The following BBX variants were observed in gnomAD, a reference collection of about 807,000 sequenced individuals.
The protein encoded by BBX is BBX high mobility group box domain containing.
Under a neutral mutation model 100.2 loss-of-function variants are expected in BBX, and 30 were observed. The ratio of observed to expected loss-of-function variants is 0.30; its 90% confidence interval spans 0.22 to 0.41. The LOEUF is 0.41. Among genes scored for constraint, BBX ranks in the 10% least tolerant of loss-of-function variants. The pLI is 1.00. For synonymous variants in BBX, 376 were observed against 388.1 expected (o/e 0.97, Z 0.37); for missense variants, 1,023 against 1,129.8 (o/e 0.91, Z 1.35).
intron 2 of BBX, among the ~76,000 whole-genome samples, chr3:107,591,755 G>A (rs1241852994): frequency 6.6e-6 from 1 of 152,230 alleles, no homozygotes; most frequent in East Asian, 1.9e-4. Flanking sequence ...CCCAAGTGCT[G>A]GTATTACAGG....
At chr3:107,628,861 A>G (rs1301625474) in intron 2 of BBX, among the ~76,000 whole-genome samples, 1 of 152,184 alleles carries the variant, frequency 6.6e-6, no homozygotes, top group Admixed American at 6.5e-5. Flanking sequence ...TAGAAACTCC[A>G]TGTATTAGTA....
chr3:107,753,919 G>A (rs2065266480), intron 9 of BBX, among the ~76,000 whole-genome samples: 3 of 152,106 alleles, frequency 2.0e-5, no homozygotes, highest in Admixed American at 2.0e-4. Context: ...GTACCAAAAA[G>A]GTGTTTATGT....
intron 9 of BBX, among the ~76,000 whole-genome samples, chr3:107,754,849 T>C (rs1481547052): frequency 6.6e-6 from 1 of 152,254 alleles, no homozygotes. Context: ...TTCTCAGCTC[T>C]TATTGAGGCT....
At chr3:107,530,944 T>C (rs1241439361) in intron 2 of BBX, among the ~76,000 whole-genome samples, 1 of 152,196 alleles carries the variant, frequency 6.6e-6, no homozygotes, top group Non-Finnish European at 1.5e-5. Context: ...TGGCCTAGAG[T>C]GCCTGCTTGC....
intron 2 of BBX, among the ~76,000 whole-genome samples, chr3:107,564,633 G>A (rs1576321997): frequency 6.6e-6 from 1 of 152,080 alleles, no homozygotes; most frequent in Non-Finnish European, 1.5e-5. Context: ...AGTCTAGTGG[G>A]CGTTTTCTCT....
intron 2 of BBX, among the ~76,000 whole-genome samples, chr3:107,619,650 ATGTTTTTC>A (rs2055589610): frequency 6.6e-6 from 1 of 151,552 alleles, no homozygotes; most frequent in South Asian, 2.1e-4. Flanking sequence ...AAAAATATCC[ATGTTTTTC>A]TTCATTGGAG....
intron 2 of BBX, among the ~76,000 whole-genome samples, chr3:107,558,016 G>C (rs142397252): frequency 1.3e-5 from 2 of 152,344 alleles, no homozygotes; most frequent in African/African-American, 4.8e-5. Flanking sequence ...AGCGGGGCTT[G>C]GCAGCAGTCT....
intron 9 of BBX, among the ~76,000 whole-genome samples, chr3:107,751,496 G>A (rs1374481566): frequency 6.6e-6 from 1 of 152,002 alleles, no homozygotes; most frequent in Non-Finnish European, 1.5e-5. Flanking sequence ...AGTAAACCCT[G>A]GTGATTTCTT....
Position 107,615,997 on chromosome 3 carries a change from C to T in BBX, c.-83-29839C>T, listed in dbSNP as rs1052097812. Among the ~76,000 whole-genome samples the T allele has an allele frequency of 3.4e-5, 4 of 116,382 alleles. No homozygotes were observed. In the East Asian group the frequency reaches 1.0e-3, roughly 29 times the overall value. The allele number at this position is 116,382 out of a possible 152,430, so 76.4% of individuals were successfully genotyped here. A position where few individuals can be genotyped will look rare whatever the true frequency, so the allele number is the denominator to read the frequency against. On this transcript the variant is annotated intron_variant, in intron 2 of 17. Coordinates refer to ENST00000325805, the MANE Select transcript of BBX (RefSeq NM_001142568.3). ...GAGAACCTAGGAGAAGCACACGCTA[C>T]TCACCTGCTTTTTTTTTTTTTTTTT...
chr3:107,523,220 CG>C (rs2047486655), intron 1 of BBX, 113 bp downstream of exon 1: 1 of 159,022 alleles, frequency 6.3e-6, no homozygotes, highest in African/African-American at 3.1e-5. Flanking sequence ...GCAGGAGCAG[CG>C]GCGGCGGCGG....
intron 2 of BBX, among the ~76,000 whole-genome samples, chr3:107,538,315 A>C (rs677861): frequency 6.6e-6 from 1 of 152,138 alleles, no homozygotes; most frequent in Non-Finnish European, 1.5e-5. Context: ...TGAGCACAGA[A>C]TTATACGTTT....
At chr3:107,767,113 T>C (rs1449893833) in intron 10 of BBX, among the ~76,000 whole-genome samples, 1 of 152,210 alleles carries the variant, frequency 6.6e-6, no homozygotes. Context: ...ATGATAGGTT[T>C]ATGTTGCAGC....
intron 10 of BBX, 78 bp from the exon 11 acceptor site, chr3:107,772,546 GATAT>G: frequency 1.5e-6 from 2 of 1,355,590 alleles, no homozygotes; most frequent in Non-Finnish European, 2.0e-6. Flanking sequence ...TTTTAAAACA[GATAT>G]AATTGAAAAC....
intron 2 of BBX, among the ~76,000 whole-genome samples, chr3:107,537,812 A>C (rs1017381763): frequency 1.7e-4 from 26 of 152,208 alleles, no homozygotes; most frequent in African/African-American, 6.3e-4. Flanking sequence ...GTTTAGATTA[A>C]AACTTTGTTT....
chr3:107,736,060 T>G (rs1232804906), intron 7 of BBX, among the ~76,000 whole-genome samples: 1 of 152,040 alleles, frequency 6.6e-6, no homozygotes, highest in Non-Finnish European at 1.5e-5. Context: ...ATAAATTATT[T>G]AAAACAATGT....
intron 2 of BBX, among the ~76,000 whole-genome samples, chr3:107,556,675 C>T (rs2050121020): frequency 6.6e-6 from 1 of 152,108 alleles, no homozygotes. Flanking sequence ...TTATAAATTT[C>T]CAGAAAAGGC....
chr3:107,666,828 C>G (rs970966530), intron 3 of BBX, among the ~76,000 whole-genome samples: 15 of 152,326 alleles, frequency 9.8e-5, no homozygotes, highest in African/African-American at 3.6e-4. Flanking sequence ...CCTCGGCCTC[C>G]CAAAGTGCTG....
intron 2 of BBX, among the ~76,000 whole-genome samples, chr3:107,634,337 T>G (rs975747419): frequency 1.3e-5 from 2 of 152,192 alleles, no homozygotes; most frequent in African/African-American, 4.8e-5. Flanking sequence ...TCTACCTCTG[T>G]TATCTGTTGT....
chr3:107,616,409 T>C (rs1219744730), intron 2 of BBX, among the ~76,000 whole-genome samples: 1 of 152,174 alleles, frequency 6.6e-6, no homozygotes, highest in African/African-American at 2.4e-5. Context: ...CAGATTCTTA[T>C]AATAGGTGCA....
Sources: gnomAD v4.1 joint callset for allele counts (sites outside exome capture counted in the v4.1 genomes callset) on GRCh38, gnomAD v4.1.1 for gene constraint, MANE v1.5 for transcripts, NCBI Gene and HGNC (gene_info 2026-07-23, HGNC 2026-07-21) for gene names.